Variants in DRG2 observed in about 807,000 individuals in gnomAD.
The protein encoded by DRG2 is developmentally-regulated GTP-binding protein 2.
In DRG2, 36 loss-of-function variants were observed where a neutral mutation model predicts 53.4. That is an observed-to-expected ratio of 0.67 (90% CI 0.52 to 0.89). The LOEUF is 0.89. Ranked by LOEUF, DRG2 falls within the 40% of genes least tolerant of loss-of-function variation. The pLI, the probability that DRG2 is intolerant of heterozygous loss-of-function variation, is 0.00. For missense variants in DRG2, 342 were observed against 481.2 expected (o/e 0.71, Z 2.71); for synonymous variants, 167 against 192.1 (o/e 0.87, Z 1.08).
Position 18,098,906 on chromosome 17 carries a change from G to C in DRG2, c.316-111G>C, listed in dbSNP as rs1398762561. 1 of 1,268,762 alleles carries C rather than the reference G, an allele frequency of 7.9e-7. No homozygotes were observed. The highest frequency in any genetic ancestry group is 1.5e-5 in the African/African-American group (1 of 67,844). The allele number at this position is 1,268,762 out of a possible 1,614,324, so 78.6% of individuals were successfully genotyped here. A position where few individuals can be genotyped will look rare whatever the true frequency, so the allele number is the denominator to read the frequency against. On this transcript the variant is annotated intron_variant, in intron 3 of 12. Coordinates refer to ENST00000225729, the MANE Select transcript of DRG2 (RefSeq NM_001388.5). This position sits in a 1 kb window ranked among gnomAD's most constrained non-coding sequence, Gnocchi z 4.1. ...GACTTGGCCACAGGTTGGCATCTGG[G>C]TTTCCCTCAGCCCCTGAGCCCCGGG...
rs757685508 is a variant in DRG2 at position 18,106,427 on chromosome 17, C to G, written c.955-6C>G. 6.2e-7 allele frequency: 1 copy of G among 1,614,038 alleles called. No homozygotes were observed. The highest frequency in any genetic ancestry group is 2.2e-5 in the East Asian group (1 of 44,872). Reference sequence around the variant, plus strand: ...CCTCTCTACCTGACTCTCTCCTGTCCTCCAGTGCCACCGCATCCACCGGTC... The same window carrying G: ...CCTCTCTACCTGACTCTCTCCTGTCGTCCAGTGCCACCGCATCCACCGGTC... On this transcript the variant is annotated splice_region_variant and splice_polypyrimidine_tract_variant and intron_variant, in intron 11 of 12. Coordinates refer to ENST00000225729, the MANE Select transcript of DRG2 (RefSeq NM_001388.5).
rs1302693097 is a variant in DRG2 at position 18,098,416 on chromosome 17, G to T, written c.315+57G>T. 3 of 1,490,518 alleles carry T rather than the reference G, an allele frequency of 2.0e-6. No homozygotes were observed. The East Asian group carries it at 6.8e-5, about 34-fold the overall frequency. The allele number at this position is 1,490,518 out of a possible 1,614,324, so 92.3% of individuals were successfully genotyped here. On this transcript the variant is annotated intron_variant, in intron 3 of 12. Coordinates refer to ENST00000225729, the MANE Select transcript of DRG2 (RefSeq NM_001388.5). This position sits in a 1 kb window ranked among gnomAD's most constrained non-coding sequence, Gnocchi z 4.1. ...GGGGCGCATGCTTGTGTTTGGACTT[G>T]TGCCTGTGCCCACCCTGTGTGTGAG... is the stretch of plus-strand genomic sequence containing the variant.
Position 18,103,672 on chromosome 17 carries a change from T to A in DRG2, c.807-129T>A. On this transcript the variant is annotated intron_variant, in intron 9 of 12. Transcript: ENST00000225729. The surrounding 1 kb of genome is among the most constrained non-coding windows in gnomAD (Gnocchi z 4.4). ...TCAGGCTGCCATCATAGTAATGGGCTTGTTTCCCTGTGGGTACCAGCGGGC... is the reference window on the plus strand; with the variant it reads ...TCAGGCTGCCATCATAGTAATGGGCATGTTTCCCTGTGGGTACCAGCGGGC... 1.2e-6 allele frequency: 1 copy of A among 800,358 alleles called. No individual in the cohort carries two copies. The highest frequency in any genetic ancestry group is 2.1e-6 in the Non-Finnish European group (1 of 473,262). 49.6% of individuals were successfully genotyped at this position (800,358 alleles called of 1,614,324 possible).
At position 18,107,968 on chromosome 17, in the gene DRG2, G is replaced by GAAAAC; in HGVS notation, c.*728_*729insAAAAC. On this transcript the variant is annotated 3_prime_UTR_variant, in exon 13 of 13. Coordinates refer to ENST00000225729, the MANE Select transcript of DRG2 (RefSeq NM_001388.5). ...CTTTCTGAAATAAAGGATTGAAAAC[G>GAAAAC]GTTCCTGTTCAGACTGAGAACACTT... is the stretch of plus-strand genomic sequence containing the variant. 6.6e-6 allele frequency: 1 copy of GAAAAC among 152,338 alleles called. No homozygotes were observed. Among genetic ancestry groups the GAAAAC allele is most frequent in the East Asian group, 1.9e-4 (1 of 5,190 alleles). The allele number at this position is 152,338 out of a possible 1,614,324, so 9.4% of individuals were successfully genotyped here. A position where few individuals can be genotyped will look rare whatever the true frequency, so the allele number is the denominator to read the frequency against.
chr17:18,089,257 G>A (rs902000112), intron 1 of DRG2, among the ~76,000 whole-genome samples: 6 of 152,176 alleles, frequency 3.9e-5, no homozygotes, highest in African/African-American at 1.4e-4. Context: ...TCCTGCCTCA[G>A]CCTCCAAATA....
intron 1 of DRG2, among the ~76,000 whole-genome samples, chr17:18,093,569 C>T (rs912274491): frequency 5.3e-5 from 8 of 152,266 alleles, no homozygotes; most frequent in Middle Eastern, 3.4e-3. Context: ...CCACCCGCCT[C>T]GGCCTCCCAA....
chr17:18,091,082 T>A (rs2045326573), intron 1 of DRG2, among the ~76,000 whole-genome samples: 1 of 152,228 alleles, frequency 6.6e-6, no homozygotes, highest in Non-Finnish European at 1.5e-5. Flanking sequence ...CCAGTCCCAT[T>A]TCCTGACCTA....
intron 11 of DRG2, 36 bp from the exon 12 acceptor site, chr17:18,106,397 C>G (rs761613479): frequency 1.2e-6 from 2 of 1,613,298 alleles, no homozygotes; most frequent in Non-Finnish European, 1.7e-6. Flanking sequence ...TTAGGTGAAG[C>G]CTCACCTCTC....
Position 18,098,940 on chromosome 17 carries a change from A to G in DRG2, c.316-77A>G. ...AGCCCCTGAGCCCCGGGGCCATTCC[A>G]GATGTCCCAGATCCAGACAGGACCT... On this transcript the variant is annotated intron_variant, in intron 3 of 12. Transcript: ENST00000225729. This position sits in a 1 kb window ranked among gnomAD's most constrained non-coding sequence, Gnocchi z 4.1. 6.5e-7 allele frequency: 1 copy of G among 1,540,924 alleles called. No individual in the cohort carries two copies. Among genetic ancestry groups the G allele is most frequent in the Non-Finnish European group, 8.9e-7 (1 of 1,119,608 alleles).
At chr17:18,090,368 T>TTATTTATA (rs1258672077) in intron 1 of DRG2, among the ~76,000 whole-genome samples, 1,220 of 25,442 alleles carry the variant, frequency 0.048, 177 homozygotes, top group Non-Finnish European at 0.072. Flanking sequence ...CCGGGCTAAT[T>TTATTTATA]TATATATATA....
Position 18,099,802 on chromosome 17 carries a change from G to A in DRG2, c.467+79G>A. 1 of 1,444,726 alleles carries A rather than the reference G, an allele frequency of 6.9e-7. No homozygotes were observed. Among genetic ancestry groups the A allele is most frequent in the Non-Finnish European group, 9.5e-7 (1 of 1,055,314 alleles). The allele number at this position is 1,444,726 out of a possible 1,614,324, so 89.5% of individuals were successfully genotyped here. On this transcript the variant is annotated intron_variant, in intron 5 of 12. Transcript: ENST00000225729. This position sits in a 1 kb window ranked among gnomAD's most constrained non-coding sequence, Gnocchi z 4.4. The stretch of plus-strand genomic sequence containing the variant: ...TCCCTGAGCTCGTACTAGGCGGCCT[G>A]TGGGTGTTTGGCTCTCTCACACGTG...
At chr17:18,094,787 C>T (rs989439515) in intron 2 of DRG2, among the ~76,000 whole-genome samples, 1 of 151,660 alleles carries the variant, frequency 6.6e-6, no homozygotes, top group Non-Finnish European at 1.5e-5. Context: ...CCAGCCTGAC[C>T]AACATGGAGA....
rs552234933 is a variant in DRG2 at position 18,101,849 on chromosome 17, G to A, written c.730-72G>A. 4 of 1,501,376 alleles carry A rather than the reference G, an allele frequency of 2.7e-6. No homozygotes were observed. In the East Asian group the frequency reaches 9.7e-5, roughly 36 times the overall value. The allele number at this position is 1,501,376 out of a possible 1,614,324, so 93.0% of individuals were successfully genotyped here. On this transcript the variant is annotated intron_variant, in intron 8 of 12. Transcript: ENST00000225729. ...CCAAGGAAGGGCTGCAGCCGGCACA[G>A]GGCGATGGAGGGCCCTTTCCTGGAT...
chr17:18,090,403 TA>T (rs1404691502), intron 1 of DRG2, among the ~76,000 whole-genome samples: 88 of 19,158 alleles, frequency 4.6e-3, no homozygotes, highest in African/African-American at 5.7e-3. Flanking sequence ...TATATATATA[TA>T]TATTTTTTTT....
At chr17:18,092,562 G>A (rs1403964664) in intron 1 of DRG2, among the ~76,000 whole-genome samples, 1 of 152,034 alleles carries the variant, frequency 6.6e-6, no homozygotes, top group Non-Finnish European at 1.5e-5. Flanking sequence ...CCTCCTTTTA[G>A]AGCAAAGAGT....
chr17:18,094,735 G>A (rs971407348), intron 2 of DRG2, among the ~76,000 whole-genome samples: 1 of 152,038 alleles, frequency 6.6e-6, no homozygotes, highest in Non-Finnish European at 1.5e-5. Flanking sequence ...AGCACTTTGG[G>A]AGGCCAAGGT....
intron 1 of DRG2, among the ~76,000 whole-genome samples, chr17:18,093,375 A>C (rs1339758345): frequency 2.0e-5 from 3 of 150,754 alleles, no homozygotes; most frequent in Non-Finnish European, 4.4e-5. Context: ...GCTGGAGTGC[A>C]ATGACGTGAT....
At position 18,090,787 on chromosome 17, in the gene DRG2, A is replaced by G. The variant is rs538443240; in HGVS notation, c.64+2700A>G. The stretch of plus-strand genomic sequence containing the variant: ...CAGCCTCAAGCAGTCCTCCCTTCTC[A>G]GCTTCCCCAAAGTGTTGGGATTACA... On this transcript the variant is annotated intron_variant, in intron 1 of 12. Coordinates refer to ENST00000225729, the MANE Select transcript of DRG2 (RefSeq NM_001388.5). 8.4e-4 allele frequency among the ~76,000 whole-genome samples: 122 copies of G among 145,040 alleles called. 1 individual carries two copies. Among genetic ancestry groups the G allele is most frequent in the Non-Finnish European group, 1.4e-3 (92 of 65,572 alleles).
Position 18,103,086 on chromosome 17 carries a change from A to G in DRG2, c.807-715A>G, listed in dbSNP as rs116942295. 2.7e-4 allele frequency among the ~76,000 whole-genome samples: 41 copies of G among 152,288 alleles called. No homozygotes were observed. In the East Asian group the frequency reaches 7.3e-3, roughly 27 times the overall value. On this transcript the variant is annotated intron_variant, in intron 9 of 12. Coordinates refer to ENST00000225729, the MANE Select transcript of DRG2 (RefSeq NM_001388.5). This position sits in a 1 kb window ranked among gnomAD's most constrained non-coding sequence, Gnocchi z 4.4. ...TGTAGCCACCACAAAGAGCAGTGTCAGTTCTACAGCACAGCCTCAGGTCCT... is the reference window on the plus strand; with the variant it reads ...TGTAGCCACCACAAAGAGCAGTGTCGGTTCTACAGCACAGCCTCAGGTCCT...
Sources: allele counts gnomAD v4.1 joint callset (sites outside exome capture counted in the v4.1 genomes callset), GRCh38; gene constraint gnomAD v4.1.1; non-coding constraint Gnocchi (gnomAD v3.1); transcripts MANE v1.5; gene names NCBI Gene and HGNC (gene_info 2026-07-23, HGNC 2026-07-21).